MRPS18A: variants seen among roughly 807,000 people sequenced by gnomAD.
The protein encoded by MRPS18A is large ribosomal subunit protein mL66.
Under a neutral mutation model 22.7 loss-of-function variants are expected in MRPS18A, and 20 were observed. That is an observed-to-expected ratio of 0.88 (90% CI 0.62 to 1.28). MRPS18A has a LOEUF of 1.28. Ranked by LOEUF, MRPS18A falls within the 50% of genes most tolerant of loss-of-function variation. The pLI is 0.00. For synonymous variants in MRPS18A, 106 were observed against 99.1 expected (o/e 1.07, Z -0.41); for missense variants, 294 against 262.6 (o/e 1.12, Z -0.83).
chr6:43,681,142 C>T, intron 1 of MRPS18A, 22 bp from the exon 2 acceptor site: 1 of 1,610,350 alleles, frequency 6.2e-7, no homozygotes, highest in African/African-American at 1.3e-5. Flanking sequence ...AAGGGGGAAA[C>T]ATTAGGTCAG....
At chr6:43,684,625 C>A (rs897277159) in intron 1 of MRPS18A, among the ~76,000 whole-genome samples, 20 of 152,308 alleles carry the variant, frequency 1.3e-4, no homozygotes, top group Middle Eastern at 6.8e-3. Flanking sequence ...GCAGGTTACT[C>A]TGGACTATGT....
At chr6:43,685,872 T>C (rs1223683770) in intron 1 of MRPS18A, among the ~76,000 whole-genome samples, 2 of 152,252 alleles carry the variant, frequency 1.3e-5, no homozygotes, top group Non-Finnish European at 2.9e-5. Flanking sequence ...TTCTTAAGAA[T>C]ATAGAATATG....
intron 1 of MRPS18A, among the ~76,000 whole-genome samples, chr6:43,683,189 A>T (rs73430406): frequency 0.017 from 2,658 of 152,296 alleles, 86 homozygotes; most frequent in African/African-American, 0.06. Flanking sequence ...CACTGTTCAC[A>T]AACTCCCCCT....
intron 3 of MRPS18A, 176 bp downstream of exon 3, chr6:43,678,342 C>T (rs764721714): frequency 7.9e-5 from 43 of 543,060 alleles, no homozygotes; most frequent in Non-Finnish European, 1.2e-4. Flanking sequence ...TTTAAAAGCT[C>T]CCCAGGTGAT....
At chr6:43,686,799 G>A (rs833048) in intron 1 of MRPS18A, among the ~76,000 whole-genome samples, 1 of 152,070 alleles carries the variant, frequency 6.6e-6, no homozygotes, top group African/African-American at 2.4e-5. Context: ...CACAAAGGAA[G>A]GCTATGTCCT....
chr6:43,672,366 G>A (rs753716739), intron 5 of MRPS18A: 1 of 472,018 alleles, frequency 2.1e-6, no homozygotes, highest in South Asian at 1.5e-5. Context: ...ACTGGTATAA[G>A]ACCCCTGCCC....
Position 43,673,090 on chromosome 6 carries a change from C to A in MRPS18A, c.447-1184G>T, listed in dbSNP as rs1244130155. 1.3e-5 allele frequency among the ~76,000 whole-genome samples: 2 copies of A among 150,418 alleles called. No individual in the cohort carries two copies. Among genetic ancestry groups the A allele is most frequent in the African/African-American group, 4.9e-5 (2 of 40,764 alleles). On this transcript the variant is annotated intron_variant, in intron 5 of 5. Transcript: ENST00000372133. The surrounding 1 kb of genome is among the most constrained non-coding windows in gnomAD (Gnocchi z 4.2). The stretch of plus-strand genomic sequence containing the variant: ...GCAACTTCCGCCTCCTGGGTTTAAG[C>A]AATTCTCCTGCCTCAGCCTCTGGAG...
rs148918532 is a variant in MRPS18A, at chr6:43,687,539, T to A, written c.112+129A>T. 1.1e-4 allele frequency: 85 copies of A among 802,584 alleles called. 1 individual carries two copies. The East Asian group carries it at 2.2e-3, about 21-fold the overall frequency. The allele number at this position is 802,584 out of a possible 1,614,324, so 49.7% of individuals were successfully genotyped here. On this transcript the variant is annotated intron_variant, in intron 1 of 5. Coordinates refer to ENST00000372133, the MANE Select transcript of MRPS18A (RefSeq NM_018135.4). The stretch of plus-strand genomic sequence containing the variant: ...TGTGGAAGGGGCTTTTAAGCACGCC[T>A]GGGGAGCCGGTACCTCCAAAGTTTC...
intron 5 of MRPS18A, 140 bp from the exon 6 acceptor site, chr6:43,672,046 G>A (rs1453709373): frequency 9.7e-7 from 1 of 1,029,876 alleles, no homozygotes; most frequent in African/African-American, 1.6e-5. Context: ...TGAAGTGCAG[G>A]GATTTTCCTG....
Position 43,673,412 on chromosome 6 carries a change from C to T in MRPS18A, c.447-1506G>A, listed in dbSNP as rs1773863971. Among the ~76,000 whole-genome samples, 1 of 152,186 alleles carries T rather than the reference C, an allele frequency of 6.6e-6. No individual in the cohort carries two copies. The highest frequency in any genetic ancestry group is 2.1e-4 in the South Asian group (1 of 4,834). ...GAGATGGGGTATGGGAGCAGGCTCC[C>T]CAGAAGGGTGCTCATTGAGATTTGG... On this transcript the variant is annotated intron_variant, in intron 5 of 5. Coordinates refer to ENST00000372133, the MANE Select transcript of MRPS18A (RefSeq NM_018135.4). This position sits in a 1 kb window ranked among gnomAD's most constrained non-coding sequence, Gnocchi z 4.2.
intron 1 of MRPS18A, among the ~76,000 whole-genome samples, chr6:43,684,151 C>A (rs1774561302): frequency 6.6e-6 from 1 of 152,014 alleles, no homozygotes; most frequent in African/African-American, 2.4e-5. Flanking sequence ...TGCAAAAAAC[C>A]TTGATGGCCA....
At chr6:43,681,654 T>C (rs1284993232) in intron 1 of MRPS18A, among the ~76,000 whole-genome samples, 1 of 152,198 alleles carries the variant, frequency 6.6e-6, no homozygotes, top group Admixed American at 6.5e-5. Context: ...CTAGAACACA[T>C]CCTGGGAGTC....
intron 1 of MRPS18A, among the ~76,000 whole-genome samples, chr6:43,687,359 G>A (rs1449332071): frequency 6.6e-6 from 1 of 152,210 alleles, no homozygotes; most frequent in Admixed American, 6.5e-5. Flanking sequence ...AACATGGAAG[G>A]AAGAATTAAC....
intron 5 of MRPS18A, among the ~76,000 whole-genome samples, chr6:43,674,990 T>G (rs1773970589): frequency 1.3e-5 from 2 of 152,194 alleles, no homozygotes; most frequent in Admixed American, 6.5e-5. Flanking sequence ...TCAGCAGGCC[T>G]CTACCCTCCT....
intron 2 of MRPS18A, among the ~76,000 whole-genome samples, chr6:43,680,734 G>C (rs1399408387): frequency 6.6e-6 from 1 of 152,214 alleles, no homozygotes; most frequent in Non-Finnish European, 1.5e-5. Context: ...CAGGCTCTTG[G>C]CTCTGGGTCA....
At chr6:43,686,791 C>G (rs150231844) in intron 1 of MRPS18A, among the ~76,000 whole-genome samples, 1 of 152,230 alleles carries the variant, frequency 6.6e-6, no homozygotes, top group South Asian at 2.1e-4. Flanking sequence ...CAGGAGTACA[C>G]AAAGGAAGGC....
intron 2 of MRPS18A, among the ~76,000 whole-genome samples, chr6:43,679,510 C>T (rs1244933540): frequency 6.6e-6 from 1 of 152,224 alleles, no homozygotes; most frequent in East Asian, 1.9e-4. Flanking sequence ...ACCTCCCTAT[C>T]GCTGCCGTAT....
chr6:43,675,088 T>G, intron 5 of MRPS18A, 114 bp downstream of exon 5: 5 of 881,252 alleles, frequency 5.7e-6, no homozygotes, highest in South Asian at 4.6e-5. Context: ...GCAGCAGGGG[T>G]GGACTGATGG....
rs775439714 is a variant in MRPS18A, at chr6:43,687,772, G to C, written c.8C>G (p.Ala3Gly). Residue 3 changes from alanine (A) to glycine (G), a missense_variant, in exon 1 of 6, where the codon GCC (alanine) becomes GGC (glycine). By Grantham distance (60) the Ala-to-Gly change is moderately conservative. Transcript: ENST00000372133. MA[A>G]LKALVSGCGR... ...ACAGCCGGACACCAGAGCCTTGAGGGCCGCCATCTTCAAAAACCTACCCTG... is the reference window on the plus strand; with the variant it reads ...ACAGCCGGACACCAGAGCCTTGAGGCCCGCCATCTTCAAAAACCTACCCTG... 2.5e-6 allele frequency: 4 copies of C among 1,573,500 alleles called. No individual in the cohort carries two copies. The South Asian group carries it at 3.5e-5, about 14-fold the overall frequency.
Sources: allele counts gnomAD v4.1 joint callset (sites outside exome capture counted in the v4.1 genomes callset), GRCh38; gene constraint gnomAD v4.1.1; non-coding constraint Gnocchi (gnomAD v3.1); transcripts MANE v1.5; gene names NCBI Gene and HGNC (gene_info 2026-07-23, HGNC 2026-07-21).